DNAH8: variants seen among roughly 807,000 people sequenced by gnomAD.
DNAH8 encodes axonemal beta dynein heavy chain 8.
DNAH8 carries 382 observed loss-of-function variants against 562.1 expected under a neutral mutation model. The ratio of observed to expected loss-of-function variants is 0.68; its 90% CI spans 0.63 to 0.74. The LOEUF is 0.74. Ranked by LOEUF, DNAH8 falls within the 30% of genes least tolerant of loss-of-function variation. DNAH8 has a pLI of 0.00. For synonymous variants in DNAH8, 1,881 were observed against 1,919.4 expected (o/e 0.98, Z 0.52); for missense variants, 5,203 against 5,620.4 (o/e 0.93, Z 2.37).
At chr6:38,946,193 G>A (rs1391371293) in intron 80 of DNAH8, among the ~76,000 whole-genome samples, 44 of 152,166 alleles carry the variant, frequency 2.9e-4, no homozygotes, top group Admixed American at 2.9e-3. Context: ...CACTAATGGA[G>A]CCTGCAGTTT....
rs377254876 is a variant in DNAH8 at position 38,874,068 on chromosome 6, T to TTCTTTCTTTTTC, written c.7620+693_7620+694insCTTTCTTTTTCT. On this transcript the variant is annotated intron_variant, in intron 52 of 92. Coordinates refer to ENST00000327475, the MANE Select transcript of DNAH8 (RefSeq NM_001206927.2). ...TTTCTTTCTTTCTTTCTTTCTTTCT[T>TTCTTTCTTTTTC]TTTCTTTCTTTCTTTCTTTCTTTCT... Among the ~76,000 whole-genome samples, 302 of 57,074 alleles carry TTCTTTCTTTTTC rather than the reference T, an allele frequency of 5.3e-3. 95 individuals are homozygous for TTCTTTCTTTTTC. The highest frequency in any genetic ancestry group is 0.041 in the East Asian group (35 of 856). 37.4% of individuals were successfully genotyped at this position (57,074 alleles called of 152,430 possible).
At chr6:38,750,650 A>G in intron 9 of DNAH8, 61 bp downstream of exon 9, 2 of 1,056,076 alleles carry the variant, frequency 1.9e-6, no homozygotes, top group Non-Finnish European at 2.9e-6. Flanking sequence ...CTGTGATTCT[A>G]GCTACTCAGA....
chr6:38,766,129 A>G (rs969576740), intron 11 of DNAH8, among the ~76,000 whole-genome samples: 1 of 104,908 alleles, frequency 9.5e-6, no homozygotes, highest in Non-Finnish European at 2.0e-5. Flanking sequence ...GTATATATGT[A>G]TGTGTTTGTA....
At position 38,778,129 on chromosome 6, in the gene DNAH8, T is replaced by A. The variant is rs1171070536; in HGVS notation, c.1963-259T>A. Among the ~76,000 whole-genome samples, 4 of 152,236 alleles carry A rather than the reference T, an allele frequency of 2.6e-5. No individual in the cohort carries two copies. In the East Asian group the frequency reaches 7.7e-4, roughly 29 times the overall value. ...TAATGAGATATATTGCATTCTCTTT[T>A]TTGTACTAAGTCTTTGAAATCTGGC... On this transcript the variant is annotated intron_variant, in intron 13 of 92. Transcript: ENST00000327475.
At chr6:38,961,332 G>A (rs1025796007) in intron 82 of DNAH8, among the ~76,000 whole-genome samples, 4 of 151,960 alleles carry the variant, frequency 2.6e-5, no homozygotes, top group Admixed American at 1.3e-4. Context: ...AAATTATGTT[G>A]TGACGGATAT....
intron 21 of DNAH8, among the ~76,000 whole-genome samples, chr6:38,798,067 C>G (rs1304570803): frequency 6.6e-6 from 1 of 151,000 alleles, no homozygotes; most frequent in African/African-American, 2.4e-5. Flanking sequence ...GAGCGAGACT[C>G]CGTCTCAAAA....
At chr6:38,755,481 A>G (rs1381271058) in intron 9 of DNAH8, among the ~76,000 whole-genome samples, 1 of 152,136 alleles carries the variant, frequency 6.6e-6, no homozygotes, top group Non-Finnish European at 1.5e-5. Context: ...TCAGAGCCTA[A>G]TGGCACTTGG....
chr6:38,761,008 T>A (rs1368502298), intron 10 of DNAH8, among the ~76,000 whole-genome samples: 1 of 151,990 alleles, frequency 6.6e-6, no homozygotes, highest in Non-Finnish European at 1.5e-5. Flanking sequence ...TAACTTCCAT[T>A]TCTCTTAATT....
chr6:38,747,306 C>G (rs1765023852), intron 8 of DNAH8, among the ~76,000 whole-genome samples: 1 of 151,920 alleles, frequency 6.6e-6, no homozygotes, highest in Non-Finnish European at 1.5e-5. Flanking sequence ...ATGCACTTAC[C>G]TCTTGAGCTA....
At position 38,906,299 on chromosome 6, in the gene DNAH8, C is replaced by G. The variant is rs1583318987; in HGVS notation, c.9240C>G (p.Tyr3080Ter). The G allele has an allele frequency of 6.2e-7, 1 of 1,607,218 alleles. No homozygotes were observed. The change falls in exon 63 of 93, where the codon TAC (tyrosine) becomes TAG (stop). Residue 3080 changes from tyrosine (Y) to a stop codon, truncating the protein, a stop_gained. Transcript: ENST00000327475. LOFTEE classifies it high-confidence loss of function. ...TNLTDDLKAL[Y>*]KVAGADGKGI... ...TAACAGATGATTTAAAAGCTTTGTA[C>G]AAAGTTGCTGGTGCTGATGGAAAAG...
At chr6:38,905,207 T>G (rs1417681758) in intron 62 of DNAH8, among the ~76,000 whole-genome samples, 4 of 152,230 alleles carry the variant, frequency 2.6e-5, no homozygotes, top group Non-Finnish European at 5.9e-5. Flanking sequence ...ACTTGCATTG[T>G]AACACCTCCT....
intron 3 of DNAH8, 91 bp from the exon 4 acceptor site, chr6:38,729,811 A>G: frequency 4.3e-6 from 3 of 703,458 alleles, no homozygotes; most frequent in Non-Finnish European, 7.3e-6. Context: ...GTACCTTTGA[A>G]TAAACTCTTT....
chr6:38,731,841 A>C (rs1332267861), intron 4 of DNAH8, among the ~76,000 whole-genome samples: 1 of 152,064 alleles, frequency 6.6e-6, no homozygotes, highest in Non-Finnish European at 1.5e-5. Context: ...CAGCCTCCTG[A>C]GTAGCTGGGA....
intron 12 of DNAH8, among the ~76,000 whole-genome samples, chr6:38,774,079 C>T (rs1180533141): frequency 6.6e-6 from 1 of 152,152 alleles, no homozygotes; most frequent in Non-Finnish European, 1.5e-5. Context: ...TGATGGTGCA[C>T]TGAATCCTAA....
chr6:39,020,575 T>C (rs1047502211), intron 91 of DNAH8, among the ~76,000 whole-genome samples: 1 of 152,230 alleles, frequency 6.6e-6, no homozygotes, highest in Non-Finnish European at 1.5e-5. Flanking sequence ...TGCAGGTTTG[T>C]TACATAAGTA....
chr6:38,844,844 C>T (rs1010555969), intron 35 of DNAH8, among the ~76,000 whole-genome samples: 4 of 152,178 alleles, frequency 2.6e-5, no homozygotes, highest in Admixed American at 6.5e-5. Context: ...TCCTCCTCTA[C>T]GAAGCTGTTC....
chr6:38,973,993 T>C (rs1444153003), intron 84 of DNAH8, among the ~76,000 whole-genome samples, 180 bp downstream of exon 84: 1 of 152,170 alleles, frequency 6.6e-6, no homozygotes, highest in Non-Finnish European at 1.5e-5. Context: ...GTAGTAAATA[T>C]TTCCATAGAA....
chr6:38,887,045 T>G (rs754620644), intron 57 of DNAH8, 41 bp downstream of exon 57: 1 of 1,405,508 alleles, frequency 7.1e-7, no homozygotes, highest in Admixed American at 1.7e-5. Flanking sequence ...CATTACATAA[T>G]GGACATAAAC....
intron 45 of DNAH8, among the ~76,000 whole-genome samples, chr6:38,865,867 G>C (rs772328250): frequency 7.2e-5 from 11 of 152,188 alleles, no homozygotes; most frequent in South Asian, 2.1e-4. Context: ...ACAGTGCCCA[G>C]TAAATGGTCA....
Sources: allele counts gnomAD v4.1 joint callset (sites outside exome capture counted in the v4.1 genomes callset), GRCh38; gene constraint gnomAD v4.1.1; transcripts MANE v1.5; gene names NCBI Gene and HGNC (gene_info 2026-07-23, HGNC 2026-07-21).